The following TREML1 variants were observed in gnomAD, a reference collection of about 807,000 sequenced individuals.
TREML1 encodes trem-like transcript 1 protein.
Under a neutral mutation model 22.8 loss-of-function variants are expected in TREML1, and 27 were observed. That is an observed-to-expected ratio of 1.19 (90% CI 0.87 to 1.64). The LOEUF (loss-of-function observed/expected upper bound fraction) is 1.64. TREML1 is among the 40% of genes most tolerant of loss of function. TREML1 has a pLI of 0.00. For synonymous variants in TREML1, 153 were observed against 161.9 expected, an observed-to-expected ratio of 0.94 and a Z score of 0.42; for missense variants, 356 against 382.0, an observed-to-expected ratio of 0.93 and a Z score of 0.57.
chr6:41,153,359 G>A (rs62396353), intron 2 of TREML1, among the ~76,000 whole-genome samples: 15,073 of 150,172 alleles, frequency 0.1, 795 homozygotes, highest in Middle Eastern at 0.15. Context: ...CATCAAGCCC[G>A]CTATTACAGG....
In TREML1 at chr6:41,149,768, A is replaced by G. The variant is rs1266482295; in HGVS notation, c.772T>C (p.Ser258Pro). 6.2e-7 allele frequency: 1 copy of G among 1,614,122 alleles called. No homozygotes were observed. Among genetic ancestry groups the G allele is most frequent in the South Asian group, 1.1e-5 (1 of 91,080 alleles). The change falls in exon 6 of 6, where the codon TCA becomes CCA. Residue 258 changes from serine to proline, a missense_variant. Transcript: ENST00000426005. ...LPLDSPSGKPSLPAPSSLPPL... is the reference protein window; with the variant it reads ...LPLDSPSGKPPLPAPSSLPPL... ...GGCAATGAGGATGGAGCTGGGAGTG[A>G]AGGTTTTCCTGATGGGGAATCAAGA...
intron 3 of TREML1, 32 bp downstream of exon 3, chr6:41,151,250 T>C (rs1212580657): frequency 1.3e-6 from 2 of 1,587,830 alleles, no homozygotes; most frequent in African/African-American, 2.7e-5. Context: ...ACCACCCTTC[T>C]CCTGGCCTCC....
chr6:41,154,328 C>A lies in TREML1; in HGVS notation c.-40G>T, dbSNP rs1431218358. 6.3e-7 allele frequency: 1 copy of A among 1,585,666 alleles called. No individual in the cohort carries two copies. Among genetic ancestry groups the A allele is most frequent in the East Asian group, 2.2e-5 (1 of 44,716 alleles). On this transcript the variant is annotated 5_prime_UTR_variant, in exon 1 of 6. Transcript: ENST00000426005. ...ATGTCAACTCCTGGGCTTGCCTGGG[C>A]ACTGATGCAGCATTCGCCTGAGGGC...
chr6:41,152,199 T>C (rs572979897), intron 2 of TREML1, among the ~76,000 whole-genome samples: 2 of 152,294 alleles, frequency 1.3e-5, no homozygotes, highest in African/African-American at 4.8e-5. Context: ...TGTCCTGCCC[T>C]CCTGGTGCCT....
At chr6:41,154,206 G>A (rs1327679695) in intron 1 of TREML1, 40 bp downstream of exon 1, 3 of 1,606,012 alleles carry the variant, frequency 1.9e-6, no homozygotes, top group Non-Finnish European at 1.7e-6. Context: ...ATGGGGCTGA[G>A]CATATGGGGC....
At chr6:41,155,006 A>G (rs1765384180), upstream of TREML1, among the ~76,000 whole-genome samples, 1 of 151,540 alleles carries the variant, frequency 6.6e-6, no homozygotes, top group African/African-American at 2.4e-5. Context: ...CTCATTTTCC[A>G]TCTTTTTGTC....
At chr6:41,154,385 G>T, upstream of TREML1, 1 of 1,056,258 alleles carries the variant, frequency 9.5e-7, no homozygotes, top group Non-Finnish European at 1.4e-6. Context: ...GTCACTTGGG[G>T]TGGGAGAAAG....
chr6:41,154,429 G>A, upstream of TREML1: 1 of 701,012 alleles, frequency 1.4e-6, no homozygotes, highest in East Asian at 2.7e-5. Context: ...TGGGGAAAGG[G>A]AGTTCTTCCA....
chr6:41,155,306 T>A (rs1765390670), upstream of TREML1, among the ~76,000 whole-genome samples: 1 of 151,916 alleles, frequency 6.6e-6, no homozygotes, highest in Non-Finnish European at 1.5e-5. Flanking sequence ...ATACCTTGAG[T>A]GCAACGTCCA....
chr6:41,150,422 C>A (rs1765215015), intron 4 of TREML1, 109 bp from the exon 5 acceptor site: 1 of 962,854 alleles, frequency 1.0e-6, no homozygotes, highest in Admixed American at 2.3e-5. Flanking sequence ...ACTGCAGACT[C>A]ACCTTCCCCA....
chr6:41,153,807 G>C lies in TREML1; in HGVS notation c.327C>G (p.Ala109=). The change falls in exon 2 of 6, where the codon GCC becomes GCG. Residue 109 remains alanine, a synonymous_variant. Transcript: ENST00000426005. The part of the protein sequence containing the change: ...AGEYGCMVDG[A]RGPQILHRVS... ...CTCTGTGCAAAATCTGGGGCCCCCTGGCCCCATCCACCATGCAGCCATACT... is the reference window on the plus strand; with the variant it reads ...CTCTGTGCAAAATCTGGGGCCCCCTCGCCCCATCCACCATGCAGCCATACT... 6.2e-7 allele frequency: 1 copy of C among 1,613,922 alleles called. No homozygotes were observed. The highest frequency in any genetic ancestry group is 8.5e-7 in the Non-Finnish European group (1 of 1,179,922).
rs1765227722 is a variant in TREML1, at chr6:41,150,903, G to C, written c.484C>G (p.Pro162Ala). The C allele has an allele frequency of 2.5e-6, 4 of 1,614,000 alleles. No homozygotes were observed. Among genetic ancestry groups the C allele is most frequent in the Non-Finnish European group, 3.4e-6 (4 of 1,179,940 alleles). ...AGGAGCACAGCACCCCAGATCAAGGGGATGCTGAGGAACAGAAAGGGATAG... is the reference window on the plus strand; with the variant it reads ...AGGAGCACAGCACCCCAGATCAAGGCGATGCTGAGGAACAGAAAGGGATAG... ...LEPSQDEKSI[P>A]LIWGAVLLVG... Residue 162 changes from proline (P) to alanine (A), a missense_variant, in exon 4 of 6, where the codon CCC becomes GCC. Physicochemically the swap from Pro to Ala is conservative, Grantham distance 27 (BLOSUM62 -1). Coordinates refer to ENST00000426005, the MANE Select transcript of TREML1 (RefSeq NM_178174.4).
At chr6:41,153,313 AAATT>A (rs972125575) in intron 2 of TREML1, among the ~76,000 whole-genome samples, 6 of 149,246 alleles carry the variant, frequency 4.0e-5, no homozygotes, top group African/African-American at 7.5e-5. Context: ...AAGACTTATA[AAATT>A]AATTAAGGTA....
Position 41,154,011 on chromosome 6 carries a change from C to A in TREML1, c.123G>T (p.Arg41Ser), listed in dbSNP as rs752864439. Residue 41 changes from arginine (R) to serine (S), a missense_variant, in exon 2 of 6, where the codon AGG (arginine) becomes AGT (serine). Arg to Ser is a moderately radical substitution (Grantham distance 110). Coordinates refer to ENST00000426005, the MANE Select transcript of TREML1 (RefSeq NM_178174.4). The part of the protein sequence containing the change: ...GSSILVQCHY[R>S]LQDVKAQKVW... ...CCTTCTGAGCTTTGACATCCTGGAGCCTGTAGTGGCACTGCACCAGAATGG... is the reference window on the plus strand; with the variant it reads ...CCTTCTGAGCTTTGACATCCTGGAGACTGTAGTGGCACTGCACCAGAATGG... The A allele has an allele frequency of 5.6e-6, 9 of 1,614,130 alleles. No individual in the cohort carries two copies. The South Asian group carries it at 7.7e-5, about 14-fold the overall frequency.
Position 41,149,480 on chromosome 6 carries a change from T to C in TREML1, c.*124A>G. The C allele has an allele frequency of 1.8e-6, 2 of 1,083,096 alleles. No homozygotes were observed. The highest frequency in any genetic ancestry group is 2.7e-6 in the Non-Finnish European group (2 of 747,082). 67.1% of individuals were successfully genotyped at this position (1,083,096 alleles called of 1,614,324 possible). A position where few individuals can be genotyped will look rare whatever the true frequency, so the allele number is the denominator to read the frequency against. On this transcript the variant is annotated 3_prime_UTR_variant, in exon 6 of 6. Coordinates refer to ENST00000426005, the MANE Select transcript of TREML1 (RefSeq NM_178174.4). The stretch of plus-strand genomic sequence containing the variant: ...CACTTTCCCTAGTAAAGTTAGGACA[T>C]TGGATTAGATCTTAAAGTCCCTGGT...
At chr6:41,150,128 G>T in intron 5 of TREML1, 133 bp downstream of exon 5, 4 of 1,090,578 alleles carry the variant, frequency 3.7e-6, no homozygotes, top group South Asian at 1.6e-5. Context: ...CAAGTTTACA[G>T]CATTTAGGAA....
rs2113864525 is a variant in TREML1, at chr6:41,149,632, G to T, written c.908C>A (p.Pro303Gln). The T allele has an allele frequency of 6.2e-7, 1 of 1,613,278 alleles. No individual in the cohort carries two copies. Among genetic ancestry groups the T allele is most frequent in the South Asian group, 1.1e-5 (1 of 91,038 alleles). Residue 303 changes from proline to glutamine, a missense_variant, in exon 6 of 6, where the codon CCA becomes CAA. Coordinates refer to ENST00000426005, the MANE Select transcript of TREML1 (RefSeq NM_178174.4). Reference sequence around the variant, plus strand: ...GCTGGATGGAGTCTGATTGTTAGGTGGATTCTGGGCTGGCCCACACGAGGT... The same window carrying T: ...GCTGGATGGAGTCTGATTGTTAGGTTGATTCTGGGCTGGCCCACACGAGGT... ...GGTSCGPAQN[P>Q]PNNQTPSS
chr6:41,151,222 C>A, intron 3 of TREML1, 60 bp downstream of exon 3: 1 of 1,447,250 alleles, frequency 6.9e-7, no homozygotes, highest in Non-Finnish European at 9.7e-7. Context: ...GAGCTCTAAA[C>A]AAGTCATTGT....
upstream of TREML1, among the ~76,000 whole-genome samples, chr6:41,155,375 T>TTCTCTCTCTCTCTCTCTC (rs3049085): frequency 0.05 from 6,817 of 136,594 alleles, 272 homozygotes; most frequent in East Asian, 0.081. Context: ...GAGTAAACGT[T>TTCTCTCTCTCTCTCTCTC]TCTCTCTCTC....
Sources: allele counts gnomAD v4.1 joint callset (sites outside exome capture counted in the v4.1 genomes callset), GRCh38; gene constraint gnomAD v4.1.1; transcripts MANE v1.5; gene names NCBI Gene and HGNC (gene_info 2026-07-23, HGNC 2026-07-21).